Variants in HOMER1 observed in about 807,000 individuals in gnomAD.
HOMER1 encodes homer protein homolog 1.
A neutral mutation model predicts 48.9 loss-of-function variants in HOMER1; 3 were observed. That is an observed-to-expected ratio of 0.06 (90% CI 0.03 to 0.16). The LOEUF is 0.16. HOMER1 is among the 10% of genes least tolerant of loss of function. HOMER1 has a pLI of 1.00. For missense variants in HOMER1, 247 were observed against 411.4 expected (o/e 0.60, Z 3.46); for synonymous variants, 134 against 146.4 (o/e 0.92, Z 0.61).
intron 8 of HOMER1, among the ~76,000 whole-genome samples, chr5:79,389,106 A>T (rs1400668950): frequency 6.6e-6 from 1 of 152,152 alleles, no homozygotes; most frequent in Admixed American, 6.5e-5. Context: ...TCCAAAACTT[A>T]TAAGGCAAGA....
intron 1 of HOMER1, among the ~76,000 whole-genome samples, chr5:79,504,388 C>A (rs1752689623): frequency 7.2e-6 from 1 of 139,418 alleles, no homozygotes; most frequent in Non-Finnish European, 1.5e-5. Flanking sequence ...AAGAAAACAG[C>A]ACTGTTTTAC....
intron 1 of HOMER1, among the ~76,000 whole-genome samples, chr5:79,474,632 T>C (rs1580008082): frequency 6.6e-6 from 1 of 152,286 alleles, no homozygotes; most frequent in Admixed American, 6.5e-5. Flanking sequence ...GAAACTCAGT[T>C]AGATTGTTTT....
intron 1 of HOMER1, among the ~76,000 whole-genome samples, chr5:79,458,034 A>ATTTT (rs1751220397): frequency 6.6e-6 from 1 of 152,362 alleles, no homozygotes; most frequent in African/African-American, 2.4e-5. Flanking sequence ...TATACTTAAA[A>ATTTT]GTCTATGGAA....
intron 1 of HOMER1, among the ~76,000 whole-genome samples, chr5:79,479,208 T>C (rs1448813947): frequency 1.3e-5 from 2 of 152,142 alleles, no homozygotes; most frequent in Non-Finnish European, 2.9e-5. Flanking sequence ...TAAAAAACAC[T>C]AACATTTGAA....
Position 79,459,871 on chromosome 5 carries a change from A to G in HOMER1, c.6-2853T>C, listed in dbSNP as rs552147726. ...GGGCTAAGTACATTGTGTAGCAAGA[A>G]CCTTAGTACAGGTAAGTTTGAGTGC... On this transcript the variant is annotated intron_variant, in intron 1 of 8. Transcript: ENST00000334082. 2.0e-5 allele frequency among the ~76,000 whole-genome samples: 3 copies of G among 152,312 alleles called. No individual in the cohort carries two copies. The South Asian group carries it at 6.2e-4, about 32-fold the overall frequency.
At chr5:79,448,561 T>C (rs1210499088) in intron 3 of HOMER1, among the ~76,000 whole-genome samples, 1 of 152,166 alleles carries the variant, frequency 6.6e-6, no homozygotes, top group East Asian at 1.9e-4. Context: ...TTTTCAACGA[T>C]GGTACTTTCC....
intron 1 of HOMER1, chr5:79,510,744 GA>G: frequency 1.3e-6 from 1 of 774,660 alleles, no homozygotes. Flanking sequence ...CCAAGCTTGG[GA>G]AGCATGCTCG....
At chr5:79,393,574 G>A (rs1411515497) in intron 8 of HOMER1, among the ~76,000 whole-genome samples, 1 of 152,138 alleles carries the variant, frequency 6.6e-6, no homozygotes, top group African/African-American at 2.4e-5. Context: ...GGCAAAGAAC[G>A]GGTCCAGGGG....
intron 1 of HOMER1, among the ~76,000 whole-genome samples, chr5:79,491,096 A>T (rs1349547590): frequency 2.5e-5 from 3 of 122,436 alleles, no homozygotes; most frequent in African/African-American, 1.2e-4. Flanking sequence ...AAAAAAAAAA[A>T]AAAAAAAAAA....
At chr5:79,420,002 T>A (rs78962792) in intron 5 of HOMER1, among the ~76,000 whole-genome samples, 4,568 of 151,632 alleles carry the variant, frequency 0.03, 208 homozygotes, top group African/African-American at 0.1. Flanking sequence ...TTCTTTTTTT[T>A]ATCTGCATTA....
At chr5:79,426,358 G>A (rs1162480892) in intron 5 of HOMER1, among the ~76,000 whole-genome samples, 1 of 152,066 alleles carries the variant, frequency 6.6e-6, no homozygotes, top group African/African-American at 2.4e-5. Flanking sequence ...TCAAGACATA[G>A]AATCAACCTA....
At chr5:79,450,947 TTGAAGA>T (rs1490367759) in intron 3 of HOMER1, 37 bp downstream of exon 3, 1 of 1,584,814 alleles carries the variant, frequency 6.3e-7, no homozygotes, top group East Asian at 2.2e-5. Context: ...GATATACGAC[TTGAAGA>T]TGAAGATTTT....
chr5:79,421,797 G>A (rs890427806), intron 5 of HOMER1, among the ~76,000 whole-genome samples: 4 of 151,872 alleles, frequency 2.6e-5, no homozygotes, highest in Non-Finnish European at 4.4e-5. Context: ...TAGTAGACAC[G>A]GTGTTTCTCC....
intron 5 of HOMER1, among the ~76,000 whole-genome samples, chr5:79,434,721 A>G (rs6881694): frequency 0.057 from 8,580 of 149,744 alleles, 776 homozygotes; most frequent in African/African-American, 0.2. Flanking sequence ...AAGCTTATTC[A>G]ATAAGAATGT....
chr5:79,458,084 C>CA (rs1384045506), intron 1 of HOMER1, among the ~76,000 whole-genome samples: 5 of 152,142 alleles, frequency 3.3e-5, no homozygotes, highest in Admixed American at 3.3e-4. Context: ...TTACTTAGAT[C>CA]AAGCAGGGCC....
At chr5:79,487,617 G>C (rs1752147599) in intron 1 of HOMER1, among the ~76,000 whole-genome samples, 1 of 152,164 alleles carries the variant, frequency 6.6e-6, no homozygotes, top group African/African-American at 2.4e-5. Flanking sequence ...AGCAAGAAAA[G>C]GAGGGGAAGG....
At chr5:79,408,361 AAT>A (rs937071902) in intron 5 of HOMER1, among the ~76,000 whole-genome samples, 1 of 152,204 alleles carries the variant, frequency 6.6e-6, no homozygotes, top group African/African-American at 2.4e-5. Context: ...GAGCTCAGAT[AAT>A]TTATTACTAG....
intron 4 of HOMER1, among the ~76,000 whole-genome samples, chr5:79,446,372 T>C (rs746315161): frequency 2.6e-5 from 4 of 152,200 alleles, no homozygotes; most frequent in Non-Finnish European, 4.4e-5. Context: ...TCACTCCTGC[T>C]TTCTGTCTCT....
intron 5 of HOMER1, among the ~76,000 whole-genome samples, chr5:79,434,158 G>A (rs183407085): frequency 6.6e-5 from 10 of 152,006 alleles, no homozygotes; most frequent in Admixed American, 3.9e-4. Flanking sequence ...CTGAACTCTC[G>A]AAAATATGAC....
Sources: gnomAD v4.1 joint callset for allele counts (sites outside exome capture counted in the v4.1 genomes callset) on GRCh38, gnomAD v4.1.1 for gene constraint, MANE v1.5 for transcripts, NCBI Gene and HGNC (gene_info 2026-07-23, HGNC 2026-07-21) for gene names.